ADGRL2: variants seen among roughly 807,000 people sequenced by gnomAD.
ADGRL2 encodes calcium-independent alpha-latrotoxin receptor 2.
ADGRL2 carries 44 observed loss-of-function variants against 157.4 expected under a neutral mutation model. The observed-to-expected ratio is 0.28, with a 90% CI of 0.22 to 0.36. The LOEUF (loss-of-function observed/expected upper bound fraction) is 0.36, where lower values mean the gene tolerates loss of function less well. Ranked by LOEUF, ADGRL2 falls within the 10% of genes least tolerant of loss-of-function variation. The probability of loss-of-function intolerance (pLI) is 1.00; values close to 1 mark genes in which losing one functional copy is unlikely to be tolerated. For missense variants in ADGRL2, 1,510 were observed against 1,768.9 expected (o/e 0.85, Z 2.63); for synonymous variants, 585 against 624.7 (o/e 0.94, Z 0.95).
intron 1 of ADGRL2, among the ~76,000 whole-genome samples, chr1:81,362,662 T>G (rs1439482195): frequency 6.6e-6 from 1 of 152,010 alleles, no homozygotes; most frequent in Non-Finnish European, 1.5e-5. Context: ...TTAATATTCC[T>G]TGTATTGGTC....
intron 2 of ADGRL2, among the ~76,000 whole-genome samples, chr1:81,472,336 T>C (rs904202055): frequency 7.9e-5 from 12 of 152,178 alleles, no homozygotes; most frequent in African/African-American, 2.9e-4. Context: ...AAAGAAATCT[T>C]GCATTTAGGC....
chr1:81,751,624 T>C (rs562083654), intron 1 of ADGRL2, among the ~76,000 whole-genome samples: 1 of 152,318 alleles, frequency 6.6e-6, no homozygotes, highest in African/African-American at 2.4e-5. Context: ...ATCATTTTGT[T>C]ATAAATGACA....
chr1:81,581,880 A>G (rs909360586), intron 3 of ADGRL2, among the ~76,000 whole-genome samples: 41 of 127,624 alleles, frequency 3.2e-4, no homozygotes, highest in African/African-American at 1.2e-3. Flanking sequence ...GCGCGCACAC[A>G]CACACACACA....
chr1:81,528,619 C>A, intron 2 of ADGRL2, among the ~76,000 whole-genome samples: 1 of 137,638 alleles, frequency 7.3e-6, no homozygotes, highest in Non-Finnish European at 1.5e-5. Flanking sequence ...TGCAGTCCGG[C>A]CTGGGCAAAA....
chr1:81,507,233 T>G (rs973369888), intron 2 of ADGRL2, among the ~76,000 whole-genome samples: 2 of 151,786 alleles, frequency 1.3e-5, no homozygotes, highest in Non-Finnish European at 2.9e-5. Context: ...CCCCAGGGAG[T>G]ATGAGAGCAA....
intron 1 of ADGRL2, among the ~76,000 whole-genome samples, chr1:81,418,425 C>A (rs1356303158): frequency 6.6e-6 from 1 of 152,192 alleles, no homozygotes; most frequent in African/African-American, 2.4e-5. Context: ...AGAAATCTCA[C>A]CTATCTGTAT....
Position 81,855,764 on chromosome 1 carries a change from C to T in ADGRL2, c.73+18707C>T, listed in dbSNP as rs145378150. ...AAATATACCTGTGAGCTGAATTCAT[C>T]CTGTGGTCTGCCCATTTGTGCCCTT... On this transcript the variant is annotated intron_variant, in intron 2 of 23. Coordinates refer to ENST00000686636, the MANE Select transcript of ADGRL2 (RefSeq NM_001366006.2). Among the ~76,000 whole-genome samples the T allele has an allele frequency of 2.0e-5, 3 of 152,208 alleles. No homozygotes were observed. In the East Asian group the frequency reaches 5.8e-4, roughly 29 times the overall value.
At chr1:81,444,124 C>G (rs1034360065) in intron 1 of ADGRL2, among the ~76,000 whole-genome samples, 1 of 152,154 alleles carries the variant, frequency 6.6e-6, no homozygotes, top group African/African-American at 2.4e-5. Flanking sequence ...GTATAATAAT[C>G]CCTTTTTACC....
At chr1:81,500,512 G>A (rs2078823455) in intron 2 of ADGRL2, among the ~76,000 whole-genome samples, 1 of 152,172 alleles carries the variant, frequency 6.6e-6, no homozygotes, top group Non-Finnish European at 1.5e-5. Flanking sequence ...ATGTGGATGA[G>A]CTTTGAAGAT....
At chr1:81,521,444 G>C (rs1237141184) in intron 2 of ADGRL2, among the ~76,000 whole-genome samples, 1 of 152,032 alleles carries the variant, frequency 6.6e-6, no homozygotes, top group Non-Finnish European at 1.5e-5. Flanking sequence ...GAACATGAAG[G>C]TATCACAGAT....
At position 81,843,779 on chromosome 1, in the gene ADGRL2, A is replaced by G. The variant is rs577549653; in HGVS notation, c.73+6722A>G. 1.1e-4 allele frequency among the ~76,000 whole-genome samples: 16 copies of G among 152,298 alleles called. No homozygotes were observed. In the East Asian group the frequency reaches 3.1e-3, roughly 29 times the overall value. Reference sequence around the variant, plus strand: ...ATTTGAATTATACTTTGGTCATCTTATATACCAATATTTAGTGTCAGAATA... The same window carrying G: ...ATTTGAATTATACTTTGGTCATCTTGTATACCAATATTTAGTGTCAGAATA... On this transcript the variant is annotated intron_variant, in intron 2 of 23. Transcript: ENST00000686636.
intron 2 of ADGRL2, among the ~76,000 whole-genome samples, chr1:81,570,761 T>C (rs1329230031): frequency 6.6e-6 from 1 of 152,172 alleles, no homozygotes; most frequent in Non-Finnish European, 1.5e-5. Context: ...AACAAAATCA[T>C]ATCCAAAGAG....
intron 2 of ADGRL2, among the ~76,000 whole-genome samples, chr1:81,534,603 T>C (rs1380844579): frequency 6.6e-6 from 1 of 152,236 alleles, no homozygotes. Flanking sequence ...TTCCCATTTT[T>C]CAGAGAAAGA....
chr1:81,503,305 G>A, intron 2 of ADGRL2: 1 of 1,614,168 alleles, frequency 6.2e-7, no homozygotes, highest in Non-Finnish European at 8.5e-7. Flanking sequence ...CACCTACGCA[G>A]GTGTGCTGTT....
intron 2 of ADGRL2, among the ~76,000 whole-genome samples, chr1:81,529,290 G>A (rs1259923899): frequency 6.6e-6 from 1 of 152,170 alleles, no homozygotes; most frequent in Non-Finnish European, 1.5e-5. Context: ...AACTGATTTG[G>A]GAGAAACTGG....
At chr1:81,306,877 A>AATT (rs66490724) in intron 1 of ADGRL2, among the ~76,000 whole-genome samples, 1 of 151,186 alleles carries the variant, frequency 6.6e-6, no homozygotes, top group African/African-American at 2.4e-5. Flanking sequence ...ACCGTAACAA[A>AATT]TTTTTTTTTT....
intron 2 of ADGRL2, among the ~76,000 whole-genome samples, chr1:81,882,153 G>A (rs958134295): frequency 1.3e-5 from 2 of 152,168 alleles, no homozygotes; most frequent in African/African-American, 4.8e-5. Flanking sequence ...TTAGAAATGT[G>A]AAAGTTGGTT....
At chr1:81,401,679 A>C (rs2101266444) in intron 1 of ADGRL2, among the ~76,000 whole-genome samples, 1 of 152,144 alleles carries the variant, frequency 6.6e-6, no homozygotes, top group African/African-American at 2.4e-5. Flanking sequence ...ATTTCCAAGA[A>C]ATTTTTTTCA....
intron 3 of ADGRL2, among the ~76,000 whole-genome samples, chr1:81,665,520 C>T (rs2082734669): frequency 6.6e-6 from 1 of 152,212 alleles, no homozygotes; most frequent in South Asian, 2.1e-4. Flanking sequence ...TATGTTGTCA[C>T]TGGAATGAAT....
Sources: gnomAD v4.1 joint callset for allele counts (sites outside exome capture counted in the v4.1 genomes callset) on GRCh38, gnomAD v4.1.1 for gene constraint, MANE v1.5 for transcripts, NCBI Gene and HGNC (gene_info 2026-07-23, HGNC 2026-07-21) for gene names.